Variants in ATG10 observed in about 807,000 individuals in gnomAD.
ATG10 encodes autophagy related 10, also known as ubiquitin-like-conjugating enzyme ATG10.
In ATG10, 30 loss-of-function variants were observed where a neutral mutation model predicts 32.1. The ratio of observed to expected loss-of-function variants is 0.94; its 90% confidence interval spans 0.70 to 1.27. ATG10 has a LOEUF of 1.27. Among genes scored for constraint, ATG10 ranks in the 50% most tolerant of loss-of-function variants. ATG10 has a pLI of 0.00. For synonymous variants in ATG10, 87 were observed against 91.5 expected (o/e 0.95, Z 0.28); for missense variants, 233 against 262.3 (o/e 0.89, Z 0.77).
intron 2 of ATG10, among the ~76,000 whole-genome samples, chr5:82,017,844 A>G (rs1414510158): frequency 6.6e-6 from 1 of 151,434 alleles, no homozygotes; most frequent in Non-Finnish European, 1.5e-5. Flanking sequence ...TGGTGTCCTT[A>G]CTCTCTTAGT....
intron 3 of ATG10, among the ~76,000 whole-genome samples, chr5:82,163,985 A>G (rs541083904): frequency 6.3e-4 from 96 of 152,310 alleles, no homozygotes; most frequent in African/African-American, 2.1e-3. Flanking sequence ...GGCAAGTACA[A>G]TAGAATCTTT....
intron 4 of ATG10, among the ~76,000 whole-genome samples, chr5:82,170,543 AG>A (rs140221504): frequency 0.013 from 2,020 of 152,294 alleles, 28 homozygotes; most frequent in African/African-American, 0.045. Flanking sequence ...TAGTAGTAAT[AG>A]GTCCATGATG....
At chr5:82,143,512 G>C (rs928172888) in intron 3 of ATG10, among the ~76,000 whole-genome samples, 5 of 152,248 alleles carry the variant, frequency 3.3e-5, no homozygotes, top group African/African-American at 1.2e-4. Context: ...AGACTGAATG[G>C]AGGTCACTCT....
intron 3 of ATG10, among the ~76,000 whole-genome samples, chr5:82,158,348 G>GC (rs59577564): frequency 0.039 from 5,751 of 145,920 alleles, 129 homozygotes; most frequent in African/African-American, 0.063. Flanking sequence ...AAATACAGCT[G>GC]CCCCCCCGCC....
At chr5:82,199,139 A>G (rs1744970470) in intron 5 of ATG10, among the ~76,000 whole-genome samples, 1 of 152,234 alleles carries the variant, frequency 6.6e-6, no homozygotes, top group Non-Finnish European at 1.5e-5. Context: ...TGCTGTTATT[A>G]AAAGAAAACA....
intron 3 of ATG10, among the ~76,000 whole-genome samples, chr5:82,122,658 AT>A (rs1489154224): frequency 1.3e-5 from 2 of 152,210 alleles, no homozygotes; most frequent in Non-Finnish European, 2.9e-5. Flanking sequence ...CCTTAAACAA[AT>A]TTACAATAGA....
intron 5 of ATG10, among the ~76,000 whole-genome samples, chr5:82,244,579 T>A (rs1256161910): frequency 2.0e-5 from 3 of 152,146 alleles, no homozygotes; most frequent in African/African-American, 7.2e-5. Flanking sequence ...CTAAGGAATG[T>A]GCCCAGCGTG....
At chr5:82,169,189 G>A (rs1743706659) in intron 4 of ATG10, among the ~76,000 whole-genome samples, 1 of 152,048 alleles carries the variant, frequency 6.6e-6, no homozygotes, top group Non-Finnish European at 1.5e-5. Context: ...TGGTTAGGAA[G>A]GGGTTGGAAG....
At chr5:82,047,369 T>C (rs1419472896) in intron 2 of ATG10, among the ~76,000 whole-genome samples, 3 of 152,198 alleles carry the variant, frequency 2.0e-5, no homozygotes, top group Admixed American at 2.0e-4. Flanking sequence ...AAATGCTTAA[T>C]AGTGAAACCT....
intron 2 of ATG10, among the ~76,000 whole-genome samples, chr5:82,020,703 C>A (rs564426594): frequency 4.6e-5 from 7 of 152,200 alleles, no homozygotes; most frequent in Admixed American, 3.9e-4. Flanking sequence ...AGCTTGTTCT[C>A]ATGGTGGTGG....
chr5:81,992,800 G>A lies in ATG10; in HGVS notation c.108+5122G>A, dbSNP rs527616781. On this transcript the variant is annotated intron_variant, in intron 2 of 7. Coordinates refer to ENST00000282185, the MANE Select transcript of ATG10 (RefSeq NM_031482.5). Reference sequence around the variant, plus strand: ...AAAGGTGTAAAACATTACTTTTCAGGCAAAGTTGATGAGAAAAGCAGTGCG... The same window carrying A: ...AAAGGTGTAAAACATTACTTTTCAGACAAAGTTGATGAGAAAAGCAGTGCG... Among the ~76,000 whole-genome samples, 4 of 152,210 alleles carry A rather than the reference G, an allele frequency of 2.6e-5. No individual in the cohort carries two copies. In the East Asian group the frequency reaches 7.7e-4, roughly 29 times the overall value.
At chr5:82,111,704 A>C (rs1765627461) in intron 3 of ATG10, among the ~76,000 whole-genome samples, 1 of 152,020 alleles carries the variant, frequency 6.6e-6, no homozygotes, top group South Asian at 2.1e-4. Flanking sequence ...TAGAACTAGT[A>C]GATGAAAACA....
At chr5:82,015,843 C>T (rs1269760017) in intron 2 of ATG10, among the ~76,000 whole-genome samples, 5 of 152,218 alleles carry the variant, frequency 3.3e-5, no homozygotes, top group African/African-American at 9.6e-5. Context: ...AGTCATTCTC[C>T]GTCTAGCTTT....
At chr5:81,983,204 C>T (rs1475389530) in intron 1 of ATG10, among the ~76,000 whole-genome samples, 4 of 148,656 alleles carry the variant, frequency 2.7e-5, no homozygotes, top group African/African-American at 7.5e-5. Flanking sequence ...ACCTCCCTCC[C>T]GGACGGGGCG....
At chr5:82,047,257 T>TA (rs1763261257) in intron 2 of ATG10, among the ~76,000 whole-genome samples, 1 of 152,090 alleles carries the variant, frequency 6.6e-6, no homozygotes. Flanking sequence ...TGAGGGCACA[T>TA]ATGAAGGTCT....
chr5:82,149,340 T>C (rs2149877784), intron 3 of ATG10, among the ~76,000 whole-genome samples: 1 of 151,876 alleles, frequency 6.6e-6, no homozygotes, highest in Non-Finnish European at 1.5e-5. Flanking sequence ...TTACTTGTGC[T>C]CCTGAAATCG....
chr5:81,972,959 A>G (rs1760767903), intron 1 of ATG10, among the ~76,000 whole-genome samples: 1 of 152,204 alleles, frequency 6.6e-6, no homozygotes, highest in African/African-American at 2.4e-5. Context: ...AAGATGATTT[A>G]GATGTCTAGG....
intron 3 of ATG10, among the ~76,000 whole-genome samples, chr5:82,128,789 C>T (rs372363470): frequency 4.0e-5 from 6 of 150,202 alleles, no homozygotes; most frequent in South Asian, 2.1e-4. Context: ...CTGCCCTTAA[C>T]ATTTTTTCCT....
At chr5:82,023,356 C>G (rs1207584705) in intron 2 of ATG10, among the ~76,000 whole-genome samples, 1 of 151,744 alleles carries the variant, frequency 6.6e-6, no homozygotes, top group Non-Finnish European at 1.5e-5. Context: ...CTGCATTATC[C>G]TACTTTAGGT....
Sources: gnomAD v4.1 joint callset for allele counts (sites outside exome capture counted in the v4.1 genomes callset) on GRCh38, gnomAD v4.1.1 for gene constraint, MANE v1.5 for transcripts, NCBI Gene and HGNC (gene_info 2026-07-23, HGNC 2026-07-21) for gene names.